The following ANO1 variants were observed in gnomAD, a reference collection of about 807,000 sequenced individuals.
The protein encoded by ANO1 is anoctamin-1.
A neutral mutation model predicts 124.0 loss-of-function variants in ANO1; 59 were observed. That is an observed-to-expected ratio of 0.48 (90% confidence interval 0.39 to 0.59). The LOEUF (loss-of-function observed/expected upper bound fraction) is 0.59, where lower values mean the gene tolerates loss of function less well. ANO1 is among the 20% of genes least tolerant of loss of function. ANO1 has a pLI of 0.00. For missense variants in ANO1, 1,059 were observed against 1,328.0 expected (o/e 0.80, Z 3.15); for synonymous variants, 529 against 532.0 (o/e 0.99, Z 0.08).
chr11:70,088,874 G>A (rs1003475032), intron 2 of ANO1, among the ~76,000 whole-genome samples: 8 of 152,222 alleles, frequency 5.3e-5, no homozygotes, highest in African/African-American at 1.9e-4. Flanking sequence ...CCGTGGCTCT[G>A]TAACACTGTG....
At chr11:70,091,100 CGTCTGAA>C (rs1443471843) in intron 2 of ANO1, among the ~76,000 whole-genome samples, 1 of 152,172 alleles carries the variant, frequency 6.6e-6, no homozygotes, top group Non-Finnish European at 1.5e-5. Flanking sequence ...GCACACGCAG[CGTCTGAA>C]GTGTGTGTGG....
Position 70,131,719 on chromosome 11 carries a change from G to A in ANO1, c.1098-200G>A, listed in dbSNP as rs1011194179. ...GCTGGTGCAACAGCATGGGTCACAC[G>A]CCTGTGAAGCTGCCCTGGATGGCAA... On this transcript the variant is annotated intron_variant, in intron 10 of 25. Coordinates refer to ENST00000355303, the MANE Select transcript of ANO1 (RefSeq NM_018043.7). 7.9e-5 allele frequency among the ~76,000 whole-genome samples: 12 copies of A among 152,316 alleles called. No individual in the cohort carries two copies. The South Asian group carries it at 1.2e-3, about 16-fold the overall frequency.
intron 1 of ANO1, among the ~76,000 whole-genome samples, chr11:70,060,580 C>T (rs1274772087): frequency 1.3e-5 from 2 of 152,140 alleles, no homozygotes; most frequent in South Asian, 2.1e-4. Flanking sequence ...CTGGAGGAGT[C>T]GAGAGGCAGA....
At chr11:70,137,897 A>C (rs1203952783) in intron 11 of ANO1, among the ~76,000 whole-genome samples, 2 of 147,824 alleles carry the variant, frequency 1.4e-5, no homozygotes, top group Non-Finnish European at 3.0e-5. Context: ...GCCTGGTGCC[A>C]GTTGCTACGT....
At chr11:70,078,246 C>G (rs11233117), upstream of ANO1, 61,830 of 152,898 alleles carry the variant, frequency 0.4, 13,373 homozygotes, top group East Asian at 0.67. Context: ...AAAATCTGAC[C>G]GGCGCGGCCA....
At chr11:70,164,388 G>A (rs2048173561) in intron 19 of ANO1, among the ~76,000 whole-genome samples, 1 of 152,238 alleles carries the variant, frequency 6.6e-6, no homozygotes, top group South Asian at 2.1e-4. Flanking sequence ...CCCCTGGGCA[G>A]CCCAAGACAC....
chr11:69,972,730 C>T, the ANO1 span, among the ~76,000 whole-genome samples: 1 of 152,044 alleles, frequency 6.6e-6, no homozygotes, highest in African/African-American at 2.4e-5. Context: ...GAGAGTTCGG[C>T]ATGTTGTAAG....
chr11:70,107,417 G>A (rs577706664), intron 5 of ANO1, among the ~76,000 whole-genome samples: 18 of 151,490 alleles, frequency 1.2e-4, no homozygotes, highest in Non-Finnish European at 1.8e-4. Flanking sequence ...CCCTGTGGCT[G>A]CAGGAGTGAG....
chr11:70,012,428 A>G (rs1353371555), intron 1 of ANO1, among the ~76,000 whole-genome samples: 1 of 147,640 alleles, frequency 6.8e-6, no homozygotes, highest in African/African-American at 2.6e-5. Context: ...CCATTACTCC[A>G]TCCATCTATC....
At chr11:69,976,224 C>T in the ANO1 span, among the ~76,000 whole-genome samples, 1 of 152,072 alleles carries the variant, frequency 6.6e-6, no homozygotes, top group Non-Finnish European at 1.5e-5. Context: ...TTCAGTCTGA[C>T]TGGCCCCTTC....
At chr11:69,973,162 G>A in the ANO1 span, among the ~76,000 whole-genome samples, 1 of 152,110 alleles carries the variant, frequency 6.6e-6, no homozygotes, top group South Asian at 2.1e-4. Context: ...ACCCACCTCA[G>A]CCTCCCAAGG....
chr11:70,134,211 C>T (rs2046868646), intron 11 of ANO1, among the ~76,000 whole-genome samples: 1 of 152,218 alleles, frequency 6.6e-6, no homozygotes, highest in African/African-American at 2.4e-5. Flanking sequence ...CACATGGTCG[C>T]CAGCAGCTCT....
At chr11:70,085,995 T>C (rs1328475605) in intron 1 of ANO1, among the ~76,000 whole-genome samples, 1 of 152,188 alleles carries the variant, frequency 6.6e-6, no homozygotes, top group African/African-American at 2.4e-5. Flanking sequence ...CAAGCACAGC[T>C]CTGTCCAAAG....
Position 70,078,682 on chromosome 11 carries a change from G to C in ANO1, c.76G>C (p.Glu26Gln), listed in dbSNP as rs762366212. The C allele has an allele frequency of 6.7e-7, 1 of 1,493,296 alleles. No individual in the cohort carries two copies. The highest frequency in any genetic ancestry group is 9.0e-7 in the Non-Finnish European group (1 of 1,110,380). 92.5% of individuals were successfully genotyped at this position (1,493,296 alleles called of 1,614,324 possible). Reference protein sequence around the residue: ...SVHIINICAIEDIGYLPSEGT... With the variant: ...SVHIINICAIQDIGYLPSEGT... ...CCACATCATCAACATCTGCGCCATC[G>C]AGGACATCGGCTACCTGCCGTCCGA... The change falls in exon 1 of 26, where the codon GAG (glutamate) becomes CAG (glutamine). Residue 26 changes from glutamate (E) to glutamine (Q), a missense_variant. Transcript: ENST00000355303.
chr11:70,059,689 T>C (rs1275950458), intron 1 of ANO1, among the ~76,000 whole-genome samples: 3 of 152,152 alleles, frequency 2.0e-5, no homozygotes, highest in Non-Finnish European at 2.9e-5. Flanking sequence ...CGGATGGATT[T>C]CCATGAAGGG....
intron 1 of ANO1, among the ~76,000 whole-genome samples, chr11:70,059,398 T>G (rs1019684225): frequency 1.5e-5 from 2 of 137,090 alleles, no homozygotes; most frequent in African/African-American, 2.7e-5. Context: ...TGAATAGAAG[T>G]AGGGAGGCCA....
At chr11:70,181,612 C>T (rs1338241061) in intron 23 of ANO1, among the ~76,000 whole-genome samples, 1 of 152,346 alleles carries the variant, frequency 6.6e-6, no homozygotes, top group East Asian at 1.9e-4. Flanking sequence ...TGGGCATCTC[C>T]TGAGGACAAC....
At chr11:70,170,766 G>C (rs2048431654) in intron 21 of ANO1, 121 bp from the exon 22 acceptor site, 1 of 1,267,942 alleles carries the variant, frequency 7.9e-7, no homozygotes, top group East Asian at 2.5e-5. Context: ...GTCCATGCAG[G>C]TGGGCTCGTT....
At chr11:70,057,355 G>T (rs1479922925) in intron 1 of ANO1, among the ~76,000 whole-genome samples, 3 of 152,078 alleles carry the variant, frequency 2.0e-5, no homozygotes, top group African/African-American at 7.2e-5. Context: ...TGGAAAGCAG[G>T]TCTTTTTCTG....
Sources: gnomAD v4.1 joint callset for allele counts (sites outside exome capture counted in the v4.1 genomes callset) on GRCh38, gnomAD v4.1.1 for gene constraint, MANE v1.5 for transcripts, NCBI Gene and HGNC (gene_info 2026-07-23, HGNC 2026-07-21) for gene names.